The following MLLT3 variants were observed in gnomAD, a reference collection of about 807,000 sequenced individuals.
The protein encoded by MLLT3 is MLLT3 super elongation complex subunit, also known as protein AF-9.
Under a neutral mutation model 53.2 loss-of-function variants are expected in MLLT3, and 4 were observed. The ratio of observed to expected loss-of-function variants is 0.08; its 90% confidence interval spans 0.04 to 0.17. The LOEUF (loss-of-function observed/expected upper bound fraction) is 0.17. Ranked by LOEUF, MLLT3 falls within the 10% of genes least tolerant of loss-of-function variation. The pLI is 1.00. For missense variants in MLLT3, 569 were observed against 684.0 expected, an observed-to-expected ratio of 0.83 and a Z score of 1.87; for synonymous variants, 283 against 230.6, an observed-to-expected ratio of 1.23 and a Z score of -2.06.
intron 2 of MLLT3, among the ~76,000 whole-genome samples, chr9:20,546,375 C>T (rs555236909): frequency 6.6e-6 from 1 of 151,960 alleles, no homozygotes; most frequent in Non-Finnish European, 1.5e-5. Context: ...ACTGTTTCAG[C>T]AAAAAAATTT....
chr9:20,621,084 A>G lies in MLLT3; in HGVS notation c.13-250T>C. On this transcript the variant is annotated intron_variant, in intron 1 of 10. Coordinates refer to ENST00000380338, the MANE Select transcript of MLLT3 (RefSeq NM_004529.4). The surrounding 1 kb of genome is among the most constrained non-coding windows in gnomAD (Gnocchi z 7.0). ...CTACATCGGACAGGATTGTAACGGAATGTTATCCCCAGTCGGGAAGGGGGT... is the reference window on the plus strand; with the variant it reads ...CTACATCGGACAGGATTGTAACGGAGTGTTATCCCCAGTCGGGAAGGGGGT... The G allele has an allele frequency of 1.6e-6, 1 of 632,806 alleles. No homozygotes were observed. The highest frequency in any genetic ancestry group is 2.4e-5 in the Admixed American group (1 of 40,898). The allele number at this position is 632,806 out of a possible 1,614,324, so 39.2% of individuals were successfully genotyped here.
chr9:20,466,948 A>C (rs1427773282), intron 2 of MLLT3, among the ~76,000 whole-genome samples: 1 of 152,190 alleles, frequency 6.6e-6, no homozygotes, highest in Non-Finnish European at 1.5e-5. Context: ...GAAGAAAATA[A>C]AATTCTAATG....
intron 10 of MLLT3, among the ~76,000 whole-genome samples, chr9:20,347,884 G>A (rs945212838): frequency 3.9e-5 from 6 of 152,056 alleles, no homozygotes; most frequent in Non-Finnish European, 7.4e-5. Context: ...CTAATGCCAC[G>A]CTGAGTAACA....
intron 2 of MLLT3, among the ~76,000 whole-genome samples, chr9:20,584,630 C>G (rs1004342508): frequency 6.6e-6 from 1 of 152,124 alleles, no homozygotes; most frequent in South Asian, 2.1e-4. Context: ...AAAGTGGAAA[C>G]CTCTGATAAA....
chr9:20,432,481 A>G (rs1586945153), intron 4 of MLLT3, among the ~76,000 whole-genome samples: 1 of 152,162 alleles, frequency 6.6e-6, no homozygotes, highest in Non-Finnish European at 1.5e-5. Context: ...TTGCTGGTCA[A>G]AGGTGTACAA....
intron 5 of MLLT3, among the ~76,000 whole-genome samples, chr9:20,378,938 T>A (rs72699992): frequency 4.3e-4 from 65 of 152,190 alleles, no homozygotes; most frequent in Non-Finnish European, 8.1e-4. Flanking sequence ...ATATTAGATT[T>A]CTGTCCAGAA....
chr9:20,604,943 C>A (rs139640176), intron 2 of MLLT3, among the ~76,000 whole-genome samples: 139 of 152,048 alleles, frequency 9.1e-4, no homozygotes, highest in African/African-American at 3.1e-3. Flanking sequence ...CTTTTAAATA[C>A]TGGCTACACA....
chr9:20,598,632 T>C (rs1820336503), intron 2 of MLLT3, among the ~76,000 whole-genome samples: 1 of 152,188 alleles, frequency 6.6e-6, no homozygotes, highest in Non-Finnish European at 1.5e-5. Flanking sequence ...CAAAACAAAA[T>C]AAAGTTATCT....
chr9:20,439,789 A>C (rs1294626167), intron 4 of MLLT3, among the ~76,000 whole-genome samples: 1 of 152,184 alleles, frequency 6.6e-6, no homozygotes, highest in East Asian at 1.9e-4. Context: ...ACATAAAAAT[A>C]TAATGTGAAA....
At chr9:20,392,848 C>T (rs1176376872) in intron 5 of MLLT3, among the ~76,000 whole-genome samples, 1 of 152,124 alleles carries the variant, frequency 6.6e-6, no homozygotes, top group East Asian at 1.9e-4. Flanking sequence ...CAAGAATCAC[C>T]AGGTCCTCTT....
intron 4 of MLLT3, among the ~76,000 whole-genome samples, chr9:20,442,396 A>C (rs1268591208): frequency 6.6e-6 from 1 of 152,194 alleles, no homozygotes; most frequent in East Asian, 1.9e-4. Context: ...CATGTGCACA[A>C]AGAACTATGT....
rs1361080834 is a variant in MLLT3, at chr9:20,343,587, C to T, written c.*2856G>A. ...AGGCAAAAGCTAAGTTATAAGGGGGCAGAGGGGCAGGAGCTCTGTACATAT... is the reference window on the plus strand; with the variant it reads ...AGGCAAAAGCTAAGTTATAAGGGGGTAGAGGGGCAGGAGCTCTGTACATAT... On this transcript the variant is annotated 3_prime_UTR_variant, in exon 11 of 11. Transcript: ENST00000380338. The T allele has an allele frequency of 2.6e-5, 6 of 229,440 alleles. No homozygotes were observed. Among genetic ancestry groups the T allele is most frequent in the Non-Finnish European group, 5.2e-5 (6 of 115,768 alleles). The allele number at this position is 229,440 out of a possible 1,614,324, so 14.2% of individuals were successfully genotyped here.
intron 6 of MLLT3, among the ~76,000 whole-genome samples, chr9:20,365,240 G>A (rs936349281): frequency 1.3e-5 from 2 of 152,072 alleles, no homozygotes; most frequent in Admixed American, 1.3e-4. Context: ...GTATTCCTAA[G>A]GGAAATAAAT....
intron 2 of MLLT3, among the ~76,000 whole-genome samples, chr9:20,581,890 C>T (rs188083241): frequency 1.8e-3 from 269 of 152,262 alleles, no homozygotes; most frequent in African/African-American, 6.2e-3. Flanking sequence ...GCAACCCTCT[C>T]TCAGGTTTAA....
At position 20,621,305 on chromosome 9, in the gene MLLT3, T is replaced by A. The variant is rs1448500968; in HGVS notation, c.13-471A>T. Among the ~76,000 whole-genome samples, 1 of 152,112 alleles carries A rather than the reference T, an allele frequency of 6.6e-6. No homozygotes were observed. The highest frequency in any genetic ancestry group is 2.1e-4 in the South Asian group (1 of 4,820). The stretch of plus-strand genomic sequence containing the variant: ...GACAGGCACACGCCGAGGAAGTCTT[T>A]GTGTACGTGTGTGTGCGTGCGTGTG... On this transcript the variant is annotated intron_variant, in intron 1 of 10. Transcript: ENST00000380338. The surrounding 1 kb of genome is among the most constrained non-coding windows in gnomAD (Gnocchi z 7.0).
At position 20,363,600 on chromosome 9, in the gene MLLT3, A is replaced by G. The variant is rs1821378354; in HGVS notation, c.1207T>C (p.Leu403=). ...TPSQTRQQGP[L]RSIMKDLHSD... is the part of the protein sequence containing the mutation. The stretch of plus-strand genomic sequence containing the variant: ...TGCAGATCTTTCATTATAGACCTCA[A>G]AGGACCTGAGTAATGACAATGAACC... Residue 403 remains leucine (L), a synonymous_variant, in exon 7 of 11, where the codon TTG becomes CTG. Transcript: ENST00000380338. 3.1e-6 allele frequency: 5 copies of G among 1,613,458 alleles called. No individual in the cohort carries two copies. Among genetic ancestry groups the G allele is most frequent in the Non-Finnish European group, 4.2e-6 (5 of 1,179,934 alleles).
At chr9:20,581,189 A>T (rs1819782281) in intron 2 of MLLT3, among the ~76,000 whole-genome samples, 1 of 152,212 alleles carries the variant, frequency 6.6e-6, no homozygotes. Flanking sequence ...TCAACAATTC[A>T]GACATTGCTG....
chr9:20,512,878 T>C (rs1157911531), intron 2 of MLLT3, among the ~76,000 whole-genome samples: 5 of 152,242 alleles, frequency 3.3e-5, no homozygotes, highest in Non-Finnish European at 7.3e-5. Context: ...GTTTATGGCA[T>C]TGCCCATTTT....
intron 2 of MLLT3, among the ~76,000 whole-genome samples, chr9:20,611,463 A>G (rs1820700697): frequency 6.6e-6 from 1 of 152,090 alleles, no homozygotes; most frequent in Admixed American, 6.6e-5. Context: ...GAAATAACTA[A>G]TAATTTCTAC....
Sources: allele counts gnomAD v4.1 joint callset (sites outside exome capture counted in the v4.1 genomes callset), GRCh38; gene constraint gnomAD v4.1.1; non-coding constraint Gnocchi (gnomAD v3.1); transcripts MANE v1.5; gene names NCBI Gene and HGNC (gene_info 2026-07-23, HGNC 2026-07-21).